Variants in CWC22 observed in about 807,000 individuals in gnomAD.
CWC22 encodes pre-mRNA-splicing factor CWC22 homolog.
In CWC22, 53 loss-of-function variants were observed where a neutral mutation model predicts 117.2. The observed-to-expected ratio is 0.45, with a 90% CI of 0.36 to 0.57. CWC22 has a LOEUF of 0.57. Among genes scored for constraint, CWC22 ranks in the 20% least tolerant of loss-of-function variants. CWC22 has a pLI of 0.00. For missense variants in CWC22, 980 were observed against 1,068.8 expected (o/e 0.92, Z 1.16); for synonymous variants, 360 against 355.6 (o/e 1.01, Z -0.14).
intron 6 of CWC22, among the ~76,000 whole-genome samples, chr2:179,977,744 G>A (rs1300310718): frequency 6.6e-6 from 1 of 152,130 alleles, no homozygotes; most frequent in Non-Finnish European, 1.5e-5. Flanking sequence ...TGACAGGCAT[G>A]TGAATGCATG....
At chr2:179,990,550 GA>G (rs1687535904) in intron 2 of CWC22, among the ~76,000 whole-genome samples, 11 of 4,712 alleles carry the variant, frequency 2.3e-3, no homozygotes, top group Admixed American at 0.02. Context: ...GACAGACAGA[GA>G]GAGAGAGAGA....
chr2:179,996,161 A>G (rs1457795410), intron 1 of CWC22, among the ~76,000 whole-genome samples: 1 of 152,242 alleles, frequency 6.6e-6, no homozygotes, highest in African/African-American at 2.4e-5. Flanking sequence ...TAACATAAAA[A>G]TAATATCCAG....
intron 1 of CWC22, among the ~76,000 whole-genome samples, chr2:179,994,781 T>C (rs1215734514): frequency 6.6e-6 from 1 of 152,222 alleles, no homozygotes; most frequent in African/African-American, 2.4e-5. Context: ...TTAGTTATTA[T>C]TGCAGTTGTT....
At chr2:180,002,044 G>A (rs572504764) in intron 1 of CWC22, among the ~76,000 whole-genome samples, 29 of 152,054 alleles carry the variant, frequency 1.9e-4, no homozygotes, top group Admixed American at 9.8e-4. Flanking sequence ...ATTAACATGC[G>A]AAAACAACTT....
chr2:179,972,807 A>C (rs1055921500), intron 8 of CWC22, among the ~76,000 whole-genome samples: 15 of 152,080 alleles, frequency 9.9e-5, no homozygotes, highest in African/African-American at 3.1e-4. Flanking sequence ...GGAGATCGAG[A>C]CCATCCTGGC....
chr2:179,995,561 T>TC (rs1360852228), intron 1 of CWC22, among the ~76,000 whole-genome samples: 1 of 152,182 alleles, frequency 6.6e-6, no homozygotes, highest in African/African-American at 2.4e-5. Context: ...ATGTAGCACT[T>TC]CTGAACAAAT....
intron 1 of CWC22, among the ~76,000 whole-genome samples, chr2:179,997,729 T>A (rs945465162): frequency 1.3e-5 from 2 of 152,310 alleles, no homozygotes; most frequent in African/African-American, 2.4e-5. Flanking sequence ...GCACTTCTGT[T>A]ATTTGCCCAG....
intron 11 of CWC22, among the ~76,000 whole-genome samples, chr2:179,968,106 ATAATAT>A (rs2105524918): frequency 6.6e-6 from 1 of 152,328 alleles, no homozygotes; most frequent in Admixed American, 6.5e-5. Flanking sequence ...TTTGATCTTG[ATAATAT>A]TAATGTTAAC....
At chr2:179,981,676 G>T in intron 5 of CWC22, 76 bp downstream of exon 5, 1 of 1,239,680 alleles carries the variant, frequency 8.1e-7, no homozygotes. Context: ...TCAAGAACCA[G>T]GGTTAATTAA....
chr2:179,974,300 G>A (rs970233160), intron 6 of CWC22, among the ~76,000 whole-genome samples: 1 of 152,150 alleles, frequency 6.6e-6, no homozygotes, highest in East Asian at 1.9e-4. Flanking sequence ...TGAAGATGTG[G>A]AATACTCCTG....
intron 1 of CWC22, among the ~76,000 whole-genome samples, chr2:180,004,948 T>C (rs1289867468): frequency 2.0e-5 from 3 of 149,718 alleles, no homozygotes; most frequent in South Asian, 2.1e-4. Context: ...GGATGAATCA[T>C]AGCATGCCCC....
At chr2:179,950,419 CAAAT>C (rs1686414393) in intron 19 of CWC22, 89 bp downstream of exon 19, 2 of 793,188 alleles carry the variant, frequency 2.5e-6, no homozygotes, top group South Asian at 1.8e-5. Context: ...ATCTCTAAGA[CAAAT>C]AAACAATCAA....
Position 179,965,491 on chromosome 2 carries a change from C to T in CWC22, c.1315+387G>A, listed in dbSNP as rs565800008. On this transcript the variant is annotated intron_variant, in intron 12 of 19. Coordinates refer to ENST00000410053, the MANE Select transcript of CWC22 (RefSeq NM_020943.3). ...CCAAAATGAACAGCAAATATGCAGTCACTCTCATTTGTCACATTCCTGCCA... is the reference window on the plus strand; with the variant it reads ...CCAAAATGAACAGCAAATATGCAGTTACTCTCATTTGTCACATTCCTGCCA... Among the ~76,000 whole-genome samples, 3 of 152,304 alleles carry T rather than the reference C, an allele frequency of 2.0e-5. No individual in the cohort carries two copies. The South Asian group carries it at 6.2e-4, about 32-fold the overall frequency.
chr2:179,979,957 A>C (rs1392852324), intron 5 of CWC22, among the ~76,000 whole-genome samples: 1 of 152,212 alleles, frequency 6.6e-6, no homozygotes, highest in Non-Finnish European at 1.5e-5. Flanking sequence ...ACAGATGTCT[A>C]CTTCTCCTTG....
chr2:179,962,009 A>G (rs781707989), intron 13 of CWC22, among the ~76,000 whole-genome samples: 1 of 152,108 alleles, frequency 6.6e-6, no homozygotes, highest in Non-Finnish European at 1.5e-5. Flanking sequence ...GATGTGTCCA[A>G]TATCAGAAAC....
chr2:179,967,608 C>T (rs1457734847), intron 11 of CWC22, among the ~76,000 whole-genome samples: 2 of 152,172 alleles, frequency 1.3e-5, no homozygotes, highest in Non-Finnish European at 2.9e-5. Flanking sequence ...TTTACTGCCA[C>T]CCTCTTGAAG....
chr2:179,978,254 C>T lies in CWC22; in HGVS notation c.517G>A (p.Val173Ile). 2.5e-6 allele frequency: 4 copies of T among 1,575,440 alleles called. No individual in the cohort carries two copies. The highest frequency in any genetic ancestry group is 2.6e-6 in the Non-Finnish European group (3 of 1,162,242). The change falls in exon 6 of 20, where the codon GTC becomes ATC. Residue 173 changes from valine (V) to isoleucine (I), a missense_variant. By Grantham distance (29) the Val-to-Ile change is conservative (BLOSUM62 3). Around this residue, in one of 3 missense-constraint regions of CWC22, gnomAD observed 559 missense variants for 602.3 expected, o/e 0.93. Coordinates refer to ENST00000410053, the MANE Select transcript of CWC22 (RefSeq NM_020943.3). ...ATAATACTTATGTTGGAAATGTTGA[C>T]TTTGTTGATAAGGCCATTAATTGAC... Reference protein sequence around the residue: ...KKSINGLINKVNISNISIIIQ... With the variant: ...KKSINGLINKINISNISIIIQ...
intron 2 of CWC22, among the ~76,000 whole-genome samples, chr2:179,993,014 C>T (rs1366872954): frequency 1.3e-5 from 2 of 152,180 alleles, no homozygotes; most frequent in Non-Finnish European, 2.9e-5. Flanking sequence ...TACACACACA[C>T]ACACGCGCAC....
Position 179,981,825 on chromosome 2 carries a change from T to A in CWC22, c.379A>T (p.Thr127Ser), listed in dbSNP as rs1250594328. 1 of 1,613,896 alleles carries A rather than the reference T, an allele frequency of 6.2e-7. No homozygotes were observed. ...KKKDELDPLL[T>S]RTGGAYIPPA... ...GGAATATATGCTCCACCAGTGCGAG[T>A]AAGAAGAGGATCCAGCTCATCTTTC... Residue 127 changes from threonine to serine, a missense_variant, in exon 5 of 20, where the codon ACT (threonine) becomes TCT (serine). Transcript: ENST00000410053.
Sources: allele counts gnomAD v4.1 joint callset (sites outside exome capture counted in the v4.1 genomes callset), GRCh38; gene constraint gnomAD v4.1.1; regional missense constraint gnomAD v4.1.1; transcripts MANE v1.5; gene names NCBI Gene and HGNC (gene_info 2026-07-23, HGNC 2026-07-21).